The following CHCHD6 variants were observed in gnomAD, a reference collection of about 807,000 sequenced individuals.
The protein encoded by CHCHD6 is MICOS complex subunit MIC25.
A neutral mutation model predicts 32.3 loss-of-function variants in CHCHD6; 28 were observed. The ratio of observed to expected loss-of-function variants is 0.87; its 90% CI spans 0.64 to 1.19. The LOEUF (loss-of-function observed/expected upper bound fraction) is 1.19. Ranked by LOEUF, CHCHD6 falls within the 50% of genes most tolerant of loss-of-function variation. The pLI, the probability that CHCHD6 is intolerant of heterozygous loss-of-function variation, is 0.00. For missense variants in CHCHD6, 333 were observed against 307.0 expected (o/e 1.08, Z -0.63); for synonymous variants, 122 against 117.5 (o/e 1.04, Z -0.25).
In CHCHD6 at chr3:126,901,525, A is replaced by G. The variant is rs181680376; in HGVS notation, c.496-13155A>G. Reference sequence around the variant, plus strand: ...AGTGGGAGCTGTCTGAGAGGGAGAAAAGGAATGGATGCTAAAGAGGCCACC... The same window carrying G: ...AGTGGGAGCTGTCTGAGAGGGAGAAGAGGAATGGATGCTAAAGAGGCCACC... On this transcript the variant is annotated intron_variant, in intron 5 of 7. Coordinates refer to ENST00000290913, the MANE Select transcript of CHCHD6 (RefSeq NM_032343.3). Among the ~76,000 whole-genome samples the G allele has an allele frequency of 3.5e-4, 53 of 152,326 alleles. No homozygotes were observed. In the East Asian group the frequency reaches 0.01, roughly 29 times the overall value.
chr3:126,863,542 TCCA>T (rs1942058001), intron 5 of CHCHD6, among the ~76,000 whole-genome samples: 1 of 111,464 alleles, frequency 9.0e-6, no homozygotes, highest in Non-Finnish European at 1.9e-5. Flanking sequence ...CTCCTCCTCC[TCCA>T]CCATCACCAC....
intron 4 of CHCHD6, among the ~76,000 whole-genome samples, chr3:126,735,240 G>C (rs984466688): frequency 2.1e-4 from 32 of 152,186 alleles, no homozygotes; most frequent in Non-Finnish European, 1.3e-4. Flanking sequence ...ATTAATTACA[G>C]TGAAAGAATT....
At chr3:126,863,389 ACCACCT>A (rs1942041596) in intron 5 of CHCHD6, among the ~76,000 whole-genome samples, 2 of 116,160 alleles carry the variant, frequency 1.7e-5, no homozygotes, top group African/African-American at 7.1e-5. Flanking sequence ...CTCTACCATC[ACCACCT>A]CCTCCTCCTC....
intron 5 of CHCHD6, among the ~76,000 whole-genome samples, chr3:126,863,553 C>T (rs1466278234): frequency 7.1e-6 from 1 of 140,196 alleles, no homozygotes; most frequent in Non-Finnish European, 1.5e-5. Flanking sequence ...CCACCATCAC[C>T]ACCTCCTCCT....
intron 5 of CHCHD6, among the ~76,000 whole-genome samples, chr3:126,869,930 C>T (rs1178328276): frequency 1.3e-5 from 2 of 152,156 alleles, no homozygotes; most frequent in Non-Finnish European, 2.9e-5. Context: ...TCATTCTAAT[C>T]ATTGTTGGAA....
chr3:126,791,153 C>T (rs1438735478), intron 4 of CHCHD6, among the ~76,000 whole-genome samples: 1 of 152,188 alleles, frequency 6.6e-6, no homozygotes, highest in African/African-American at 2.4e-5. Flanking sequence ...TGCTGAACAG[C>T]AAATGTTGCT....
intron 4 of CHCHD6, among the ~76,000 whole-genome samples, chr3:126,851,603 C>A (rs1035460442): frequency 3.3e-5 from 5 of 152,224 alleles, no homozygotes; most frequent in Non-Finnish European, 5.9e-5. Flanking sequence ...GTGACTGTCT[C>A]CATCCTGACC....
intron 4 of CHCHD6, among the ~76,000 whole-genome samples, chr3:126,734,128 A>C (rs377602831): frequency 2.0e-5 from 3 of 152,212 alleles, no homozygotes; most frequent in African/African-American, 7.2e-5. Context: ...TTCCTCTTAC[A>C]TCACACTGGC....
At chr3:126,875,813 T>C (rs1266621689) in intron 5 of CHCHD6, among the ~76,000 whole-genome samples, 1 of 152,208 alleles carries the variant, frequency 6.6e-6, no homozygotes, top group Non-Finnish European at 1.5e-5. Flanking sequence ...ATTTGAAATA[T>C]CAGAAAAATC....
chr3:126,835,971 T>A (rs115715883), intron 4 of CHCHD6, among the ~76,000 whole-genome samples: 360 of 152,376 alleles, frequency 2.4e-3, no homozygotes, highest in African/African-American at 7.9e-3. Flanking sequence ...GTTAATATTT[T>A]GTGTGCCTGT....
intron 6 of CHCHD6, among the ~76,000 whole-genome samples, chr3:126,918,927 A>T (rs1440382934): frequency 1.3e-5 from 2 of 152,108 alleles, no homozygotes; most frequent in Admixed American, 6.5e-5. Context: ...ATGAGTTAAA[A>T]TTTTTCCAGT....
At chr3:126,842,104 A>T (rs924929208) in intron 4 of CHCHD6, among the ~76,000 whole-genome samples, 2 of 152,196 alleles carry the variant, frequency 1.3e-5, no homozygotes, top group Admixed American at 1.3e-4. Context: ...AAAGTAAAAA[A>T]TTAGCCAGGC....
chr3:126,716,591 T>C (rs1559800853), intron 1 of CHCHD6, among the ~76,000 whole-genome samples: 1 of 152,102 alleles, frequency 6.6e-6, no homozygotes. Flanking sequence ...GACCCAGGCC[T>C]CTAATAAATA....
chr3:126,714,335 G>C (rs1349745206), intron 1 of CHCHD6, among the ~76,000 whole-genome samples: 2 of 152,002 alleles, frequency 1.3e-5, no homozygotes, highest in East Asian at 3.9e-4. Context: ...CGACTCCTGT[G>C]GGCATTTGTG....
chr3:126,713,266 C>T (rs1294753769), intron 1 of CHCHD6, among the ~76,000 whole-genome samples: 2 of 152,192 alleles, frequency 1.3e-5, no homozygotes, highest in Non-Finnish European at 2.9e-5. Flanking sequence ...AAGCTTGTCT[C>T]CCTTCCACTG....
intron 4 of CHCHD6, among the ~76,000 whole-genome samples, chr3:126,824,576 A>AAAAAAAAAAAAAAAAAAAAAAAC: frequency 1.3e-5 from 2 of 149,328 alleles, no homozygotes; most frequent in African/African-American, 4.9e-5. Context: ...AAAAAAAAAA[A>AAAAAAAAAAAAAAAAAAAAAAAC]AAAAAGTCAA....
chr3:126,913,235 TTTTTTTTTTG>T (rs2078120977), intron 5 of CHCHD6, among the ~76,000 whole-genome samples: 3 of 116,834 alleles, frequency 2.6e-5, no homozygotes, highest in African/African-American at 1.1e-4. Context: ...TTTTTTTTTT[TTTTTTTTTTG>T]GGAGACGGAG....
intron 4 of CHCHD6, among the ~76,000 whole-genome samples, chr3:126,775,544 T>G (rs558073635): frequency 2.0e-5 from 3 of 152,318 alleles, no homozygotes; most frequent in African/African-American, 7.2e-5. Flanking sequence ...TACAAGGTTA[T>G]TAACTAGGTT....
chr3:126,866,721 G>C (rs938103088), intron 5 of CHCHD6, among the ~76,000 whole-genome samples: 3 of 152,124 alleles, frequency 2.0e-5, no homozygotes, highest in Non-Finnish European at 4.4e-5. Context: ...TTGTCCCCCA[G>C]ACTTAATGAT....
Sources: gnomAD v4.1 joint callset for allele counts (sites outside exome capture counted in the v4.1 genomes callset) on GRCh38, gnomAD v4.1.1 for gene constraint, MANE v1.5 for transcripts, NCBI Gene and HGNC (gene_info 2026-07-23, HGNC 2026-07-21) for gene names.